The following KCTD1 variants were observed in gnomAD, a reference collection of about 807,000 sequenced individuals.
KCTD1 encodes potassium channel tetramerization domain containing 1.
A neutral mutation model predicts 66.0 loss-of-function variants in KCTD1; 24 were observed. The ratio of observed to expected loss-of-function variants is 0.36; its 90% CI spans 0.26 to 0.51. The LOEUF is 0.51. Ranked by LOEUF, KCTD1 falls within the 20% of genes least tolerant of loss-of-function variation. The pLI is 0.95. For synonymous variants in KCTD1, 511 were observed against 517.2 expected, an observed-to-expected ratio of 0.99 and a Z score of 0.16; for missense variants, 943 against 1,205.2, an observed-to-expected ratio of 0.78 and a Z score of 3.22.
chr18:26,554,232 AAAAGACG>A (rs1350179486), intron 1 of KCTD1, among the ~76,000 whole-genome samples: 7 of 150,570 alleles, frequency 4.6e-5, no homozygotes, highest in Non-Finnish European at 8.9e-5. Flanking sequence ...AGAAAGAAAG[AAAAGACG>A]AAAGACAGAG....
At position 26,500,996 on chromosome 18, in the gene KCTD1, G is replaced by T. The variant is rs1982730642; in HGVS notation, c.1988+76C>A. 2.6e-6 allele frequency: 4 copies of T among 1,525,414 alleles called. No individual in the cohort carries two copies. In the African/African-American group the frequency reaches 5.5e-5, roughly 21 times the overall value. The allele number at this position is 1,525,414 out of a possible 1,614,324, so 94.5% of individuals were successfully genotyped here. A position where few individuals can be genotyped will look rare whatever the true frequency, so the allele number is the denominator to read the frequency against. On this transcript the variant is annotated intron_variant, in intron 2 of 4. Coordinates refer to ENST00000580059, the MANE Select transcript of KCTD1 (RefSeq NM_001142730.3). The stretch of plus-strand genomic sequence containing the variant: ...CCCCCTGCCTCCACGAGGCTACACT[G>T]CTATGCTGGTCAAAGGAAAAACAGG...
intron 1 of KCTD1, among the ~76,000 whole-genome samples, chr18:26,647,752 C>A (rs1472637651): frequency 6.6e-6 from 1 of 152,002 alleles, no homozygotes; most frequent in African/African-American, 2.4e-5. Flanking sequence ...TTTCTTTGAC[C>A]ATTGTGAGTT....
intron 1 of KCTD1, among the ~76,000 whole-genome samples, chr18:26,504,301 T>C (rs572375688): frequency 1.3e-5 from 2 of 152,246 alleles, no homozygotes; most frequent in African/African-American, 4.8e-5. Flanking sequence ...GCAATTTCAG[T>C]TCATTGCAAC....
intron 2 of KCTD1, among the ~76,000 whole-genome samples, chr18:26,480,704 T>G (rs1447163665): frequency 6.6e-6 from 1 of 151,886 alleles, no homozygotes; most frequent in East Asian, 1.9e-4. Context: ...GAGATGGAGG[T>G]TGTAGTGAGC....
intron 1 of KCTD1, among the ~76,000 whole-genome samples, chr18:26,617,361 C>G (rs540608580): frequency 1.3e-5 from 2 of 152,210 alleles, no homozygotes; most frequent in African/African-American, 4.8e-5. Flanking sequence ...AACTGCCGTA[C>G]AAAGATGTGT....
intron 4 of KCTD1, chr18:26,457,850 TATGACCAC>T (rs1353659202): frequency 6.6e-6 from 1 of 152,230 alleles, no homozygotes; most frequent in East Asian, 1.9e-4. Context: ...GGCTGTGTCA[TATGACCAC>T]GTTAATCCAG....
chr18:26,593,168 C>T (rs1207679609), intron 1 of KCTD1, among the ~76,000 whole-genome samples: 9 of 152,210 alleles, frequency 5.9e-5, no homozygotes, highest in African/African-American at 2.2e-4. Context: ...CAATGCACCA[C>T]TTCCATGCTT....
In KCTD1 at chr18:26,501,229, T is replaced by C; in HGVS notation, c.1831A>G (p.Arg611Gly). 6.2e-7 allele frequency: 1 copy of C among 1,614,118 alleles called. No individual in the cohort carries two copies. The highest frequency in any genetic ancestry group is 1.1e-5 in the South Asian group (1 of 91,060). Residue 611 changes from arginine (R) to glycine (G), a missense_variant, in exon 2 of 5, where the codon AGA becomes GGA. Arg to Gly is a moderately radical substitution (Grantham distance 125). This residue lies in a region of KCTD1 where 41 missense variants were observed against 103.8 expected (regional missense o/e 0.39). Coordinates refer to ENST00000580059, the MANE Select transcript of KCTD1 (RefSeq NM_001142730.3). ...GCAGGGGATCTAGTGATCAGAGGTC[T>C]TGACATATTGGGCCGACTGTCCTAC... is the stretch of plus-strand genomic sequence containing the variant. ...PTQDSRPNMS[R>G]PLITRSPASP...
rs1987290027 is a variant in KCTD1, at chr18:26,617,866, AGGGAGGGAGGGAG to A, written c.-16+11268_-16+11280del. ...AAGGAAGGAAGGGAGGGAGGGAGGG[AGGGAGGGAGGGAG>A]GGAAGGAGGGCAGGCAAGGTAAGGG... On this transcript the variant is annotated intron_variant, in intron 1 of 4. Transcript: ENST00000317932. 7.4e-4 allele frequency among the ~76,000 whole-genome samples: 29 copies of A among 39,130 alleles called. 1 individual carries two copies. In the South Asian group the frequency reaches 0.024, roughly 33 times the overall value. 25.7% of individuals were successfully genotyped at this position (39,130 alleles called of 152,430 possible).
intron 1 of KCTD1, among the ~76,000 whole-genome samples, chr18:26,578,160 G>A (rs979365736): frequency 6.8e-6 from 1 of 147,782 alleles, no homozygotes; most frequent in Admixed American, 6.8e-5. Context: ...GGGTTCAAGC[G>A]ATCTCCTGCC....
At chr18:26,636,143 G>A (rs1320530184) in intron 1 of KCTD1, among the ~76,000 whole-genome samples, 1 of 152,092 alleles carries the variant, frequency 6.6e-6, no homozygotes. Flanking sequence ...CCAGGAGGGT[G>A]GAAGATTAAA....
intron 3 of KCTD1, among the ~76,000 whole-genome samples, chr18:26,474,511 TA>T (rs1981238891): frequency 6.6e-6 from 1 of 152,238 alleles, no homozygotes; most frequent in African/African-American, 2.4e-5. Flanking sequence ...ATCTAATGGA[TA>T]AAAGGGAGTA....
At chr18:26,656,937 G>C (rs1988163411) in intron 1 of KCTD1, among the ~76,000 whole-genome samples, 1 of 150,260 alleles carries the variant, frequency 6.7e-6, no homozygotes. Context: ...GCGGCGGAGC[G>C]GCCGCGGGGA....
At chr18:26,601,195 C>A (rs1213837193) in intron 1 of KCTD1, among the ~76,000 whole-genome samples, 2 of 151,948 alleles carry the variant, frequency 1.3e-5, no homozygotes, top group Non-Finnish European at 2.9e-5. Flanking sequence ...TCTCTCTGAG[C>A]AGAGACCCCT....
chr18:26,593,668 G>A (rs202019512), intron 1 of KCTD1, among the ~76,000 whole-genome samples: 3 of 132,482 alleles, frequency 2.3e-5, no homozygotes, highest in South Asian at 2.5e-4. Context: ...AGAGGAGGAG[G>A]AGGAAGATGA....
At chr18:26,618,344 T>A (rs1379991506) in intron 1 of KCTD1, among the ~76,000 whole-genome samples, 2 of 152,140 alleles carry the variant, frequency 1.3e-5, no homozygotes, top group African/African-American at 4.8e-5. Context: ...ATATTTAGTG[T>A]TGTCAGTACT....
chr18:26,547,919 G>A lies in KCTD1; in HGVS notation c.618C>T (p.Arg206=). ...CCTCGGCATAGAAGGAGCGCAGCAC[G>A]CGGCACAGCGCCCCCTTGTCCATGG... ...FETMDKGALC[R]VLRSFYAEAR... Residue 206 remains arginine (R), a synonymous_variant, in exon 1 of 5, where the codon CGC becomes CGT. Transcript: ENST00000580059. The A allele has an allele frequency of 6.5e-7, 1 of 1,543,750 alleles. No individual in the cohort carries two copies.
chr18:26,626,415 C>A lies in KCTD1; in HGVS notation c.-16+2732G>T, dbSNP rs192799004. 5.7e-3 allele frequency among the ~76,000 whole-genome samples: 851 copies of A among 149,670 alleles called. 6 individuals carry two copies. Among genetic ancestry groups the A allele is most frequent in the South Asian group, 9.6e-3 (45 of 4,710 alleles). ...AACAAAATGATAGAGACAGCTTGGG[C>A]AGAGGGATGGCTACTTTAGATCTGG... On this transcript the variant is annotated intron_variant, in intron 1 of 4. Transcript: ENST00000317932.
chr18:26,579,317 G>T (rs1280795472), intron 1 of KCTD1, among the ~76,000 whole-genome samples: 1 of 152,114 alleles, frequency 6.6e-6, no homozygotes, highest in Non-Finnish European at 1.5e-5. Context: ...TCCAGTTAGT[G>T]TCCAATTAGT....
Sources: gnomAD v4.1 joint callset for allele counts (sites outside exome capture counted in the v4.1 genomes callset) on GRCh38, gnomAD v4.1.1 for gene constraint, gnomAD v4.1.1 regional missense constraint, MANE v1.5 for transcripts, NCBI Gene and HGNC (gene_info 2026-07-23, HGNC 2026-07-21) for gene names.